The following SMARCC1 variants were observed in gnomAD, a reference collection of about 807,000 sequenced individuals.
The protein encoded by SMARCC1 is SWI/SNF related BAF chromatin remodeling complex subunit C1.
Under a neutral mutation model 147.4 loss-of-function variants are expected in SMARCC1, and 43 were observed. That is an observed-to-expected ratio of 0.29 (90% CI 0.23 to 0.38). SMARCC1 has a LOEUF of 0.38. Ranked by LOEUF, SMARCC1 falls within the 10% of genes least tolerant of loss-of-function variation. The probability of loss-of-function intolerance (pLI) is 1.00; values close to 1 mark genes in which losing one functional copy is unlikely to be tolerated. For synonymous variants in SMARCC1, 495 were observed against 484.4 expected (o/e 1.02, Z -0.29); for missense variants, 1,119 against 1,381.1 (o/e 0.81, Z 3.01).
At chr3:47,688,020 G>T (rs1368864060) in intron 13 of SMARCC1, among the ~76,000 whole-genome samples, 2 of 152,182 alleles carry the variant, frequency 1.3e-5, no homozygotes, top group African/African-American at 4.8e-5. Context: ...AGCACTTTGG[G>T]AGGCCGAGGC....
intron 11 of SMARCC1, among the ~76,000 whole-genome samples, chr3:47,698,005 C>CAA (rs71070213): frequency 0.12 from 1,498 of 12,456 alleles, 643 homozygotes; most frequent in Middle Eastern, 0.2. Context: ...GCCTCCGCCT[C>CAA]AAAAAAAAAA....
At chr3:47,690,959 G>A (rs909071918) in intron 12 of SMARCC1, among the ~76,000 whole-genome samples, 32 of 152,190 alleles carry the variant, frequency 2.1e-4, no homozygotes, top group African/African-American at 9.7e-5. Flanking sequence ...CACTTGGTCC[G>A]TTGGACAATG....
At chr3:47,595,317 G>C (rs1206872274) in intron 26 of SMARCC1, among the ~76,000 whole-genome samples, 1 of 152,144 alleles carries the variant, frequency 6.6e-6, no homozygotes, top group Non-Finnish European at 1.5e-5. Flanking sequence ...CTGAGGTCAG[G>C]AGTTCGAGAC....
intron 1 of SMARCC1, among the ~76,000 whole-genome samples, chr3:47,778,164 T>G (rs928870244): frequency 7.2e-6 from 1 of 138,938 alleles, no homozygotes; most frequent in African/African-American, 2.9e-5. Flanking sequence ...GCACTCCAGC[T>G]TGGGCAGAAG....
intron 6 of SMARCC1, among the ~76,000 whole-genome samples, chr3:47,728,365 G>A (rs769932189): frequency 2.0e-5 from 3 of 152,054 alleles, no homozygotes; most frequent in African/African-American, 7.2e-5. Context: ...TGGGATTACA[G>A]GCGTGAGACA....
At chr3:47,596,592 T>TA (rs1553671669) in intron 26 of SMARCC1, among the ~76,000 whole-genome samples, 1 of 150,302 alleles carries the variant, frequency 6.7e-6, no homozygotes, top group African/African-American at 2.4e-5. Context: ...AATAAATAAA[T>TA]AAGAAGAAGA....
At chr3:47,668,425 T>A (rs2033451506) in intron 19 of SMARCC1, among the ~76,000 whole-genome samples, 1 of 152,214 alleles carries the variant, frequency 6.6e-6, no homozygotes, top group Non-Finnish European at 1.5e-5. Context: ...TTTTTCTTTT[T>A]CAAACTGCAT....
At chr3:47,764,017 C>A (rs1020633839) in intron 2 of SMARCC1, among the ~76,000 whole-genome samples, 2 of 151,850 alleles carry the variant, frequency 1.3e-5, no homozygotes, top group African/African-American at 2.4e-5. Flanking sequence ...CTGCACCCAG[C>A]CTTTCTCTTT....
intron 17 of SMARCC1, among the ~76,000 whole-genome samples, chr3:47,675,922 G>T (rs529576894): frequency 3.4e-4 from 51 of 151,260 alleles, no homozygotes; most frequent in Non-Finnish European, 2.9e-4. Flanking sequence ...TCCAGCCGGG[G>T]GAACAGTGCA....
At chr3:47,615,468 C>T (rs939476986) in intron 25 of SMARCC1, among the ~76,000 whole-genome samples, 1 of 152,186 alleles carries the variant, frequency 6.6e-6, no homozygotes, top group African/African-American at 2.4e-5. Context: ...CATTATCAAT[C>T]CTCCTCCTCC....
chr3:47,676,806 T>TA (rs2033580688), intron 16 of SMARCC1, 24 bp from the exon 17 acceptor site: 2 of 1,605,724 alleles, frequency 1.2e-6, no homozygotes, highest in Non-Finnish European at 8.5e-7. Context: ...CTCGGAAAGT[T>TA]AAAATCTAAA....
At chr3:47,642,117 T>TA (rs928588975) in intron 21 of SMARCC1, among the ~76,000 whole-genome samples, 3 of 151,820 alleles carry the variant, frequency 2.0e-5, no homozygotes, top group African/African-American at 7.3e-5. Flanking sequence ...TCCTCTTCAT[T>TA]AAAAGACTCC....
chr3:47,626,145 G>A (rs1267842904), intron 24 of SMARCC1, among the ~76,000 whole-genome samples: 3 of 151,700 alleles, frequency 2.0e-5, no homozygotes, highest in Non-Finnish European at 4.4e-5. Context: ...ACAGAGCGAG[G>A]CCCCGTCCTT....
At chr3:47,776,432 T>A (rs563955369) in intron 1 of SMARCC1, among the ~76,000 whole-genome samples, 17 of 151,980 alleles carry the variant, frequency 1.1e-4, no homozygotes, top group Non-Finnish European at 2.1e-4. Flanking sequence ...CCAAACTCCA[T>A]CTCTACTAAA....
intron 23 of SMARCC1, 93 bp from the exon 24 acceptor site, chr3:47,635,437 T>C (rs2032956338): frequency 1.8e-6 from 2 of 1,102,532 alleles, no homozygotes; most frequent in Admixed American, 4.1e-5. Context: ...CTAGGACTGA[T>C]ATGACAAAGA....
At chr3:47,604,702 T>TTTTTTTTC (rs2032442411) in intron 26 of SMARCC1, 3 of 155,504 alleles carry the variant, frequency 1.9e-5, no homozygotes, top group Non-Finnish European at 4.1e-5. Flanking sequence ...TGTTGTTCTT[T>TTTTTTTTC]TTTTTTTTTT....
intron 26 of SMARCC1, 146 bp downstream of exon 26, chr3:47,609,920 T>G (rs1330753370): frequency 5.9e-6 from 5 of 846,870 alleles, no homozygotes; most frequent in Non-Finnish European, 9.1e-6. Context: ...TAACCCTAAA[T>G]CTCACATGCC....
In SMARCC1 at chr3:47,675,565, T is replaced by C. The variant is rs1239940761; in HGVS notation, c.1749A>G (p.Leu583=). ...TTTCCTTGTTTTTCTCAGGAAAATT[T>C]AGCATCTGTTGAGCAGCAGGAACCT... is the stretch of plus-strand genomic sequence containing the variant. ...SPQVPAAQQM[L]NFPEKNKEKP... is the part of the protein sequence containing the mutation. The change falls in exon 18 of 28, where the codon CTA becomes CTG. Residue 583 remains leucine, a synonymous_variant. Transcript: ENST00000254480. 1 of 1,608,526 alleles carries C rather than the reference T, an allele frequency of 6.2e-7. No individual in the cohort carries two copies. Among genetic ancestry groups the C allele is most frequent in the South Asian group, 1.1e-5 (1 of 90,976 alleles).
At chr3:47,650,797 T>C (rs964880906) in intron 21 of SMARCC1, among the ~76,000 whole-genome samples, 2 of 151,036 alleles carry the variant, frequency 1.3e-5, no homozygotes, top group African/African-American at 4.9e-5. Context: ...CAGGGAGACA[T>C]AGCAAGACCC....
Sources: allele counts gnomAD v4.1 joint callset (sites outside exome capture counted in the v4.1 genomes callset), GRCh38; gene constraint gnomAD v4.1.1; transcripts MANE v1.5; gene names NCBI Gene and HGNC (gene_info 2026-07-23, HGNC 2026-07-21).